RTEL1: variants seen among roughly 807,000 people sequenced by gnomAD.
The protein encoded by RTEL1 is regulator of telomere elongation helicase 1.
A neutral mutation model predicts 162.2 loss-of-function variants in RTEL1; 86 were observed. That is an observed-to-expected ratio of 0.53 (90% CI 0.45 to 0.63). The LOEUF is 0.63. RTEL1 is among the 30% of genes least tolerant of loss of function. RTEL1 has a pLI of 0.00. For missense variants in RTEL1, 1,941 were observed against 1,750.2 expected, an observed-to-expected ratio of 1.11 and a Z score of -1.95; for synonymous variants, 958 against 717.9, an observed-to-expected ratio of 1.33 and a Z score of -5.35.
intron 1 of RTEL1, 60 bp downstream of exon 1, chr20:63,658,526 G>A (rs1216873901): frequency 6.6e-6 from 1 of 152,292 alleles, no homozygotes; most frequent in East Asian, 1.9e-4. Flanking sequence ...GGCGCGTTGC[G>A]GTTTTTCGAA....
intron 20 of RTEL1, 64 bp downstream of exon 20, chr20:63,688,450 T>C: frequency 1.2e-6 from 2 of 1,605,518 alleles, no homozygotes; most frequent in Non-Finnish European, 1.7e-6. Context: ...AAGCAGGCAG[T>C]GGTCACAGCT....
chr20:63,667,169 T>C (rs970090004), intron 7 of RTEL1, among the ~76,000 whole-genome samples: 3 of 152,160 alleles, frequency 2.0e-5, no homozygotes, highest in African/African-American at 4.8e-5. Flanking sequence ...GGTTCTGCGT[T>C]GTGTTTGTTT....
At chr20:63,674,149 C>G (rs972292435) in intron 10 of RTEL1, 56 bp downstream of exon 10, 9 of 1,547,622 alleles carry the variant, frequency 5.8e-6, no homozygotes, top group Non-Finnish European at 7.9e-6. Context: ...CAGGGTGAGC[C>G]CCACCCGGAG....
intron 8 of RTEL1, 132 bp downstream of exon 8, chr20:63,667,685 C>A: frequency 1.3e-6 from 1 of 744,570 alleles, no homozygotes; most frequent in Non-Finnish European, 2.4e-6. Context: ...TCACCTCTGT[C>A]ACTGGGCAGG....
At position 63,695,745 on chromosome 20, in the gene RTEL1, G is replaced by A. The variant is rs760231352; in HGVS notation, c.3823-33G>A. 6 of 1,590,270 alleles carry A rather than the reference G, an allele frequency of 3.8e-6. No homozygotes were observed. In the Admixed American group the frequency reaches 5.3e-5, roughly 14 times the overall value. The stretch of plus-strand genomic sequence containing the variant: ...GCCCTTGTCCTGGTGGCAACGCCTG[G>A]CAGACGTGTGCAGTGGGCCGGTTGT... On this transcript the variant is annotated intron_variant, in intron 34 of 34. Transcript: ENST00000360203.
Position 63,662,818 on chromosome 20 carries a change from T to G in RTEL1, c.478-11T>G. The G allele has an allele frequency of 6.2e-7, 1 of 1,613,740 alleles. No homozygotes were observed. The highest frequency in any genetic ancestry group is 1.3e-5 in the African/African-American group (1 of 75,024). On this transcript the variant is annotated splice_polypyrimidine_tract_variant and intron_variant, in intron 5 of 34. Transcript: ENST00000360203. ...GTGCTTCAGCTGCGCACTCTGCCCTTCCTCCCACAGATCCACTTGTGCCGT... is the reference window on the plus strand; with the variant it reads ...GTGCTTCAGCTGCGCACTCTGCCCTGCCTCCCACAGATCCACTTGTGCCGT...
In RTEL1 at chr20:63,674,040, C is replaced by T; in HGVS notation, c.866C>T (p.Ala289Val). ...IDQVLEEQTK[A>V]AQQGEPHPEF... ...CAGGTGCTGGAGGAGCAGACCAAGGCAGCGCAGCAGGGTGAGCCCCACCCG... is the reference window on the plus strand; with the variant it reads ...CAGGTGCTGGAGGAGCAGACCAAGGTAGCGCAGCAGGGTGAGCCCCACCCG... The change falls in exon 10 of 35, where the codon GCA becomes GTA. Residue 289 changes from alanine (A) to valine (V), a missense_variant. Ala to Val is a moderately conservative substitution (Grantham distance 64). Transcript: ENST00000360203. 6.2e-7 allele frequency: 1 copy of T among 1,614,110 alleles called. No individual in the cohort carries two copies. Among genetic ancestry groups the T allele is most frequent in the Non-Finnish European group, 8.5e-7 (1 of 1,180,026 alleles).
In RTEL1 at chr20:63,661,725, C is replaced by T. The variant is rs776023154; in HGVS notation, c.302-125C>T. 3.7e-4 allele frequency: 351 copies of T among 948,910 alleles called. 1 individual carries two copies. The highest frequency in any genetic ancestry group is 5.1e-4 in the Non-Finnish European group (313 of 610,084). The allele number at this position is 948,910 out of a possible 1,614,324, so 58.8% of individuals were successfully genotyped here. A position where few individuals can be genotyped will look rare whatever the true frequency, so the allele number is the denominator to read the frequency against. ...GCCCACTTCACCCATTTTTGATAAA[C>T]CAGTATCTGGGGTGTCAGATTCTTG... On this transcript the variant is annotated intron_variant, in intron 3 of 34. Coordinates refer to ENST00000360203, the MANE Select transcript of RTEL1 (RefSeq NM_001283009.2). The surrounding 1 kb of genome is among the most constrained non-coding windows in gnomAD (Gnocchi z 5.1).
Position 63,674,021 on chromosome 20 carries a change from C to T in RTEL1, c.847C>T (p.Leu283=), listed in dbSNP as rs1203271959. 1 of 1,614,152 alleles carries T rather than the reference C, an allele frequency of 6.2e-7. No homozygotes were observed. The highest frequency in any genetic ancestry group is 8.5e-7 in the Non-Finnish European group (1 of 1,180,038). Residue 283 remains leucine, a synonymous_variant, in exon 10 of 35, where the codon CTG becomes TTG. Coordinates refer to ENST00000360203, the MANE Select transcript of RTEL1 (RefSeq NM_001283009.2). ...AGGACTGGACGTCATAGACCAGGTGCTGGAGGAGCAGACCAAGGCAGCGCA... is the reference window on the plus strand; with the variant it reads ...AGGACTGGACGTCATAGACCAGGTGTTGGAGGAGCAGACCAAGGCAGCGCA... ...ASGLDVIDQV[L]EEQTKAAQQG...
At position 63,692,979 on chromosome 20, in the gene RTEL1, C is replaced by G. The variant is rs777978680; in HGVS notation, c.2827C>G (p.Pro943Ala). ...ACLGPLFAEDPKKHNLLQGFY... is the reference protein window; with the variant it reads ...ACLGPLFAEDAKKHNLLQGFY... ...TCTCGGCCCCCTCTTTGCTGAGGAC[C>G]CCAAGAAGCACAACCTGCTCCAAGG... Residue 943 changes from proline to alanine, a missense_variant, in exon 29 of 35, where the codon CCC becomes GCC. By Grantham distance (27) the Pro-to-Ala change is conservative. Transcript: ENST00000360203. 3 of 1,612,614 alleles carry G rather than the reference C, an allele frequency of 1.9e-6. No individual in the cohort carries two copies. The highest frequency in any genetic ancestry group is 2.5e-6 in the Non-Finnish European group (3 of 1,179,828).
intron 9 of RTEL1, among the ~76,000 whole-genome samples, chr20:63,673,470 C>T: frequency 6.6e-6 from 1 of 152,078 alleles, no homozygotes; most frequent in East Asian, 1.9e-4. Context: ...ACAGGGTCTC[C>T]TTCTGTCGTC....
Position 63,695,593 on chromosome 20 carries a change from C to T in RTEL1, c.3765C>T (p.Phe1255=), listed in dbSNP as rs749057208. Residue 1255 remains phenylalanine, a synonymous_variant, in exon 34 of 35, where the codon TTC becomes TTT. Coordinates refer to ENST00000360203, the MANE Select transcript of RTEL1 (RefSeq NM_001283009.2). ...QGCGAEDVVP[F]QCPACDFQRC... ...GTGGGGCAGAGGACGTGGTGCCCTTCCAGTGCCCTGCCTGTGACTTCCAGC... is the reference window on the plus strand; with the variant it reads ...GTGGGGCAGAGGACGTGGTGCCCTTTCAGTGCCCTGCCTGTGACTTCCAGC... 1 of 1,612,070 alleles carries T rather than the reference C, an allele frequency of 6.2e-7. No homozygotes were observed. Among genetic ancestry groups the T allele is most frequent in the Non-Finnish European group, 8.5e-7 (1 of 1,179,912 alleles).
rs2090827498 is a variant in RTEL1 at position 63,693,448 on chromosome 20, G to GCACCACCTCCACCTTCACCAC, written c.2992+179_2992+180insTCACCACCACCACCTCCACCT. Among the ~76,000 whole-genome samples, 9 of 42,358 alleles carry GCACCACCTCCACCTTCACCAC rather than the reference G, an allele frequency of 2.1e-4. 3 individuals carry two copies. Among genetic ancestry groups the GCACCACCTCCACCTTCACCAC allele is most frequent in the Non-Finnish European group, 3.7e-4 (7 of 19,164 alleles). 27.8% of individuals were successfully genotyped at this position (42,358 alleles called of 152,430 possible). ...TCCACCTCCACCACCAGCACCAGCAGCACCACCTCCACCTCCACCTCCACC... is the reference window on the plus strand; with the variant it reads ...TCCACCTCCACCACCAGCACCAGCAGCACCACCTCCACCTTCACCACCACCACCTCCACCTCCACCTCCACC... On this transcript the variant is annotated intron_variant, in intron 30 of 34. Coordinates refer to ENST00000360203, the MANE Select transcript of RTEL1 (RefSeq NM_001283009.2).
intron 6 of RTEL1, 140 bp downstream of exon 6, chr20:63,663,029 C>A: frequency 2.6e-6 from 2 of 775,112 alleles, no homozygotes; most frequent in Non-Finnish European, 4.5e-6. Context: ...TGTCTTCTGA[C>A]TCGGGGCCAC....
At position 63,687,931 on chromosome 20, in the gene RTEL1, G is replaced by A. The variant is rs76364377; in HGVS notation, c.1482-6G>A. 0.062 allele frequency: 100,558 copies of A among 1,612,066 alleles called. 3,568 individuals carry two copies. The highest frequency in any genetic ancestry group is 0.073 in the Non-Finnish European group (86,040 of 1,179,406). ...CCCACTGTCTGCTCCCTCTGGCCACGCTCAGCCCTTTCCCAGTCTGCCTGG... is the reference window on the plus strand; with the variant it reads ...CCCACTGTCTGCTCCCTCTGGCCACACTCAGCCCTTTCCCAGTCTGCCTGG... On this transcript the variant is annotated splice_region_variant and splice_polypyrimidine_tract_variant and intron_variant, in intron 17 of 34. Transcript: ENST00000360203.
At chr20:63,673,862 A>G (rs1203173308) in intron 9 of RTEL1, 78 bp from the exon 10 acceptor site, 3 of 1,496,682 alleles carry the variant, frequency 2.0e-6, no homozygotes, top group South Asian at 1.3e-5. Context: ...TGCCTTCTGC[A>G]CCCCCACCCC....
At chr20:63,694,664 AGGAAGGGCG>A in intron 31 of RTEL1, 68 bp from the exon 32 acceptor site, 3 of 1,362,396 alleles carry the variant, frequency 2.2e-6, no homozygotes, top group Non-Finnish European at 3.0e-6. Flanking sequence ...GAGTTCCTGG[AGGAAGGGCG>A]GGCAGGGCGG....
intron 22 of RTEL1, 117 bp downstream of exon 22, chr20:63,689,249 G>A (rs984982515): frequency 1.2e-5 from 13 of 1,045,516 alleles, no homozygotes; most frequent in African/African-American, 1.6e-5. Context: ...TGGGTCCCAC[G>A]AGAGCGACTG....
At chr20:63,678,485 C>T (rs1294208682) in intron 12 of RTEL1, 139 bp downstream of exon 12, 10 of 782,732 alleles carry the variant, frequency 1.3e-5, no homozygotes, top group South Asian at 5.2e-5. Flanking sequence ...CTGGGAGGAG[C>T]ACCTGCTTTG....
Sources: allele counts gnomAD v4.1 joint callset (sites outside exome capture counted in the v4.1 genomes callset), GRCh38; gene constraint gnomAD v4.1.1; non-coding constraint Gnocchi (gnomAD v3.1); transcripts MANE v1.5; gene names NCBI Gene and HGNC (gene_info 2026-07-23, HGNC 2026-07-21).